ASH1L: variants seen among roughly 807,000 people sequenced by gnomAD.
The protein encoded by ASH1L is histone-lysine N-methyltransferase ASH1L.
ASH1L carries 23 observed loss-of-function variants against 269.0 expected under a neutral mutation model. That is an observed-to-expected ratio of 0.09 (90% CI 0.06 to 0.12). The LOEUF (loss-of-function observed/expected upper bound fraction) is 0.12, where lower values mean the gene tolerates loss of function less well. ASH1L is among the 10% of genes least tolerant of loss of function. The probability of loss-of-function intolerance (pLI) is 1.00; values close to 1 mark genes in which losing one functional copy is unlikely to be tolerated. For missense variants in ASH1L, 2,912 were observed against 3,567.8 expected (o/e 0.82, Z 4.68); for synonymous variants, 1,187 against 1,253.5 (o/e 0.95, Z 1.12).
chr1:155,493,861 A>G (rs1248763152), intron 2 of ASH1L, among the ~76,000 whole-genome samples: 1 of 152,152 alleles, frequency 6.6e-6, no homozygotes, highest in African/African-American at 2.4e-5. Context: ...GGGATAGAGC[A>G]AGACTCCATC....
intron 4 of ASH1L, chr1:155,440,526 T>A: frequency 1.1e-6 from 1 of 947,324 alleles, no homozygotes. Flanking sequence ...ACATGTTTAT[T>A]CTCATAGTCT....
At position 155,400,329 on chromosome 1, in the gene ASH1L, CAA is replaced by C. The variant is rs746649436; in HGVS notation, c.6009-4778_6009-4777del. 2.3e-4 allele frequency among the ~76,000 whole-genome samples: 24 copies of C among 105,136 alleles called. No individual in the cohort carries two copies. The South Asian group carries it at 3.9e-3, about 17-fold the overall frequency. 69.0% of individuals were successfully genotyped at this position (105,136 alleles called of 152,430 possible). A position where few individuals can be genotyped will look rare whatever the true frequency, so the allele number is the denominator to read the frequency against. On this transcript the variant is annotated intron_variant, in intron 6 of 27. Transcript: ENST00000392403. ...CCTGGGTGATAGAGCGAGACTGTCT[CAA>C]AAAAAAAAAAAAGAGGACATATTAC...
intron 1 of ASH1L, among the ~76,000 whole-genome samples, chr1:155,534,411 T>C (rs539579582): frequency 7.3e-5 from 11 of 150,862 alleles, no homozygotes; most frequent in South Asian, 4.2e-4. Context: ...TGTTAGATAT[T>C]TGTCAATATA....
intron 2 of ASH1L, among the ~76,000 whole-genome samples, chr1:155,495,166 A>G (rs1360622088): frequency 6.6e-6 from 1 of 152,198 alleles, no homozygotes; most frequent in Non-Finnish European, 1.5e-5. Context: ...AAAAGTAAGT[A>G]AAGAATAGCA....
chr1:155,357,654 G>A lies in ASH1L; in HGVS notation c.6891C>T (p.Pro2297=), dbSNP rs1488598739. ...GTCCAGATTTTTTGTGTGTGGCCATGGGCTGGCTGTTTTTGCTGCTGGTGA... is the reference window on the plus strand; with the variant it reads ...GTCCAGATTTTTTGTGTGTGGCCATAGGCTGGCTGTTTTTGCTGCTGGTGA... The part of the protein sequence containing the change: ...NGLTSSKNSQ[P]MATHKKSGRS... Residue 2297 remains proline (P), a synonymous_variant, in exon 14 of 28, where the codon CCC becomes CCT. Transcript: ENST00000392403. 1 of 1,614,024 alleles carries A rather than the reference G, an allele frequency of 6.2e-7. No homozygotes were observed. The highest frequency in any genetic ancestry group is 8.5e-7 in the Non-Finnish European group (1 of 1,180,042).
intron 4 of ASH1L, among the ~76,000 whole-genome samples, chr1:155,452,965 T>C (rs1399020168): frequency 1.3e-5 from 2 of 152,208 alleles, no homozygotes; most frequent in African/African-American, 4.8e-5. Flanking sequence ...ATTTTTCATA[T>C]ACAACTCCCT....
At chr1:155,397,213 C>T (rs981066207) in intron 6 of ASH1L, among the ~76,000 whole-genome samples, 3 of 151,392 alleles carry the variant, frequency 2.0e-5, no homozygotes, top group Non-Finnish European at 4.4e-5. Context: ...AGAAAGATTG[C>T]TGACCGGACA....
chr1:155,520,756 G>C (rs1286864569), intron 2 of ASH1L, among the ~76,000 whole-genome samples: 2 of 152,020 alleles, frequency 1.3e-5, no homozygotes, highest in Non-Finnish European at 2.9e-5. Flanking sequence ...CAGGTACTCG[G>C]GAGGCTGAGG....
intron 1 of ASH1L, among the ~76,000 whole-genome samples, chr1:155,555,894 T>C (rs1671551274): frequency 6.8e-6 from 1 of 147,526 alleles, no homozygotes; most frequent in Non-Finnish European, 1.5e-5. Context: ...AATACTTAAG[T>C]ATTTATGGAT....
intron 1 of ASH1L, among the ~76,000 whole-genome samples, chr1:155,545,467 C>T (rs1409143106): frequency 1.3e-5 from 2 of 151,592 alleles, no homozygotes; most frequent in Non-Finnish European, 2.9e-5. Context: ...TTTTTATACA[C>T]ACACACACAA....
At chr1:155,533,741 T>TCATCTTTAG (rs1178815687) in intron 1 of ASH1L, among the ~76,000 whole-genome samples, 1 of 151,060 alleles carries the variant, frequency 6.6e-6, no homozygotes, top group Non-Finnish European at 1.5e-5. Flanking sequence ...AAAGAAAAGA[T>TCATCTTTAG]CATCTTTAGT....
chr1:155,365,057 T>G (rs911757535), intron 12 of ASH1L, among the ~76,000 whole-genome samples: 2 of 152,184 alleles, frequency 1.3e-5, no homozygotes, highest in African/African-American at 4.8e-5. Flanking sequence ...TTCTTTCTTG[T>G]GCGAGATCCA....
intron 2 of ASH1L, among the ~76,000 whole-genome samples, chr1:155,499,632 C>G (rs766946969): frequency 2.0e-5 from 3 of 152,122 alleles, no homozygotes; most frequent in Non-Finnish European, 2.9e-5. Context: ...TTCCATACAG[C>G]TGTAGCTCAG....
At chr1:155,399,211 G>A (rs984655756) in intron 6 of ASH1L, among the ~76,000 whole-genome samples, 2 of 152,182 alleles carry the variant, frequency 1.3e-5, no homozygotes, top group African/African-American at 4.8e-5. Flanking sequence ...ATTATATGTA[G>A]AAAATGCTGC....
chr1:155,384,814 AT>A (rs1657286681), intron 7 of ASH1L, among the ~76,000 whole-genome samples: 1 of 152,118 alleles, frequency 6.6e-6, no homozygotes, highest in South Asian at 2.1e-4. Flanking sequence ...CTCCTGCCAA[AT>A]TTGGTAAGTT....
chr1:155,541,352 GT>G (rs1194783636), intron 1 of ASH1L, among the ~76,000 whole-genome samples: 1 of 151,754 alleles, frequency 6.6e-6, no homozygotes, highest in East Asian at 1.9e-4. Flanking sequence ...AAATTTTTCA[GT>G]TTCTATAATT....
At chr1:155,427,418 C>CT (rs1446627272) in intron 5 of ASH1L, among the ~76,000 whole-genome samples, 1 of 152,046 alleles carries the variant, frequency 6.6e-6, no homozygotes, top group Non-Finnish European at 1.5e-5. Context: ...AGCGATTGTC[C>CT]TGCCTCAGGC....
chr1:155,544,549 A>T (rs1226927544), intron 1 of ASH1L, among the ~76,000 whole-genome samples: 1 of 152,102 alleles, frequency 6.6e-6, no homozygotes, highest in Non-Finnish European at 1.5e-5. Flanking sequence ...AGCCTCCCAA[A>T]GTGCTGGGAT....
intron 5 of ASH1L, among the ~76,000 whole-genome samples, chr1:155,418,185 A>G (rs572092803): frequency 8.7e-4 from 132 of 152,312 alleles, no homozygotes; most frequent in African/African-American, 3.0e-3. Context: ...AAAATCATTC[A>G]GTAGAAACAG....
Sources: gnomAD v4.1 joint callset for allele counts (sites outside exome capture counted in the v4.1 genomes callset) on GRCh38, gnomAD v4.1.1 for gene constraint, MANE v1.5 for transcripts, NCBI Gene and HGNC (gene_info 2026-07-23, HGNC 2026-07-21) for gene names.